Variants in NDOR1 observed in about 807,000 individuals in gnomAD.
NDOR1 encodes the protein NADPH-dependent diflavin oxidoreductase 1.
A neutral mutation model predicts 67.2 loss-of-function variants in NDOR1; 61 were observed. The ratio of observed to expected loss-of-function variants is 0.91; its 90% CI spans 0.74 to 1.12. NDOR1 has a LOEUF of 1.12. Among genes scored for constraint, NDOR1 ranks in the 50% most tolerant of loss-of-function variants. The pLI, the probability that NDOR1 is intolerant of heterozygous loss-of-function variation, is 0.00. For missense variants in NDOR1, 878 were observed against 802.8 expected (o/e 1.09, Z -1.13); for synonymous variants, 378 against 343.7 (o/e 1.10, Z -1.10).
At chr9:137,216,073 G>T in intron 12 of NDOR1, 21 bp from the exon 13 acceptor site, 1 of 1,613,436 alleles carries the variant, frequency 6.2e-7, no homozygotes, top group Admixed American at 1.7e-5. Flanking sequence ...TCAGCCCCCA[G>T]CCCTGTTCTC....
intron 9 of NDOR1, 82 bp downstream of exon 9, chr9:137,215,284 G>A (rs1404504802): frequency 1.8e-5 from 28 of 1,543,944 alleles, no homozygotes; most frequent in Non-Finnish European, 2.2e-5. Context: ...AGCAGGGGCT[G>A]CCCTCTGACC....
rs756056918 is a variant in NDOR1, at chr9:137,214,656, C to G, written c.809C>G (p.Pro270Arg). ...TTCTGCCAGGTGCTGGGCCTGGACC[C>G]TGACCAGCTCTTCATGCTGCAGCCG... ...QRFCQVLGLD[P>R]DQLFMLQPRE... Residue 270 changes from proline to arginine, a missense_variant, in exon 7 of 14, where the codon CCT (proline) becomes CGT (arginine). Physicochemically the swap from Pro to Arg is moderately radical, Grantham distance 103 (BLOSUM62 -2). Transcript: ENST00000684003. The G allele has an allele frequency of 4.4e-6, 7 of 1,607,124 alleles. No individual in the cohort carries two copies. In the South Asian group the frequency reaches 6.6e-5, roughly 15 times the overall value.
At chr9:137,213,145 AAAAG>A (rs200244296) in intron 3 of NDOR1, among the ~76,000 whole-genome samples, 9,086 of 152,286 alleles carry the variant, frequency 0.06, 369 homozygotes, top group African/African-American at 0.11. Flanking sequence ...TTTCAGATGA[AAAAG>A]AACGGGAAGA....
At position 137,214,308 on chromosome 9, in the gene NDOR1, C is replaced by G. The variant is rs375191251; in HGVS notation, c.617C>G (p.Ser206Trp). Reference sequence around the variant, plus strand: ...GGCTCTCAGGAGCCCCCGTCAGAGTCGAAGCCCTTCCTAGCACCCATGATC... The same window carrying G: ...GGCTCTCAGGAGCCCCCGTCAGAGTGGAAGCCCTTCCTAGCACCCATGATC... Reference protein sequence around the residue: ...HPGSQEPPSESKPFLAPMISN... With the variant: ...HPGSQEPPSEWKPFLAPMISN... The change falls in exon 6 of 14, where the codon TCG becomes TGG. Residue 206 changes from serine to tryptophan, a missense_variant. Transcript: ENST00000684003. 8 of 1,613,924 alleles carry G rather than the reference C, an allele frequency of 5.0e-6. No individual in the cohort carries two copies. The highest frequency in any genetic ancestry group is 4.0e-5 in the African/African-American group (3 of 74,924).
Position 137,216,178 on chromosome 9 carries a change from TA to T in NDOR1, c.1640del (p.Tyr547SerfsTer17). The T allele has an allele frequency of 6.2e-7, 1 of 1,613,494 alleles. No individual in the cohort carries two copies. The highest frequency in any genetic ancestry group is 8.5e-7 in the Non-Finnish European group (1 of 1,180,012). On this transcript the variant is annotated frameshift_variant, in exon 13 of 14. Coordinates refer to ENST00000684003, the MANE Select transcript of NDOR1 (RefSeq NM_014434.4). LOFTEE classifies it high-confidence loss of function. ...ELLDRQGAYF[Y>X]LAGNAKSMPA... ...GCTGGACCGCCAGGGTGCATACTTC[TA>T]CCTGGCAGGGTGAGCTGGCCTGCGT...
intron 2 of NDOR1, among the ~76,000 whole-genome samples, chr9:137,207,926 C>T (rs1835049089): frequency 1.3e-5 from 2 of 152,072 alleles, no homozygotes; most frequent in Non-Finnish European, 2.9e-5. Flanking sequence ...GGGCGAATCA[C>T]GAGGTCAGGA....
rs966274256 is a variant in NDOR1 at position 137,216,528 on chromosome 9, G to C, written c.*112G>C. ...GTCATCCTCTCGGACCAGCCAGCTG[G>C]TCCTCTGGGAACAGCCAGCTCCCGA... On this transcript the variant is annotated 3_prime_UTR_variant, in exon 14 of 14. Coordinates refer to ENST00000684003, the MANE Select transcript of NDOR1 (RefSeq NM_014434.4). 1.4e-6 allele frequency: 2 copies of C among 1,385,004 alleles called. No individual in the cohort carries two copies. Among genetic ancestry groups the C allele is most frequent in the African/African-American group, 2.9e-5 (2 of 69,072 alleles). The allele number at this position is 1,385,004 out of a possible 1,614,324, so 85.8% of individuals were successfully genotyped here.
chr9:137,215,549 G>T (rs766329079), intron 10 of NDOR1, 28 bp downstream of exon 10: 2 of 1,610,502 alleles, frequency 1.2e-6, no homozygotes, highest in Non-Finnish European at 1.7e-6. Flanking sequence ...GGTGGGGGCC[G>T]TGGGCCCATA....
chr9:137,215,899 G>A lies in NDOR1; in HGVS notation c.1436G>A (p.Gly479Glu), dbSNP rs759697399. ...IQERVAQGQT[G>E]NFLFFGCRWR... ...CCAAGAGCACCCTGTATTTCCCTAG[G>A]AAACTTCTTGTTTTTTGGCTGCCGC... The change falls in exon 12 of 14, where the codon GGA becomes GAA. Residue 479 changes from glycine (G) to glutamate (E), a missense_variant and splice_region_variant. Gly to Glu is a moderately conservative substitution (Grantham distance 98). Transcript: ENST00000684003. 56 of 1,613,486 alleles carry A rather than the reference G, an allele frequency of 3.5e-5. No individual in the cohort carries two copies. Among genetic ancestry groups the A allele is most frequent in the Middle Eastern group, 1.6e-4 (1 of 6,062 alleles).
Position 137,218,252 on chromosome 9 carries a change from A to G in NDOR1, c.*1836A>G. On this transcript the variant is annotated 3_prime_UTR_variant, in exon 14 of 14. Transcript: ENST00000684003. ...GAAGACGCCCGTGCTGGAATGGGAG[A>G]TCTGCCGGCTACAGGAGGAGCTGCT... The G allele has an allele frequency of 2.5e-6, 1 of 398,116 alleles. No homozygotes were observed. The highest frequency in any genetic ancestry group is 1.3e-4 in the South Asian group (1 of 7,866). The allele number at this position is 398,116 out of a possible 1,614,324, so 24.7% of individuals were successfully genotyped here. A position where few individuals can be genotyped will look rare whatever the true frequency, so the allele number is the denominator to read the frequency against.
Position 137,212,457 on chromosome 9 carries a change from G to T in NDOR1, c.214-45G>T. On this transcript the variant is annotated intron_variant, in intron 2 of 13. Transcript: ENST00000684003. This position sits in a 1 kb window ranked among gnomAD's most constrained non-coding sequence, Gnocchi z 4.3. ...CCCCTCACCCCCTGCTGTGGGGCTA[G>T]CCTAGAGGTCGAGGACTCTGACTCA... The T allele has an allele frequency of 6.4e-7, 1 of 1,561,520 alleles. No individual in the cohort carries two copies. Among genetic ancestry groups the T allele is most frequent in the Non-Finnish European group, 8.8e-7 (1 of 1,132,326 alleles).
chr9:137,207,201 A>G (rs1835009559), intron 2 of NDOR1, among the ~76,000 whole-genome samples: 2 of 152,134 alleles, frequency 1.3e-5, no homozygotes, highest in Admixed American at 1.3e-4. Context: ...TGAGATGCAC[A>G]GGACAGGCAG....
chr9:137,218,294 T>C lies in NDOR1; in HGVS notation c.*1878T>C, dbSNP rs1835727846. Reference sequence around the variant, plus strand: ...GGAGCTGCTACAGGCCGACGGGCCCTCACGCCAGCCCCGCCGAGAGGCCCC... The same window carrying C: ...GGAGCTGCTACAGGCCGACGGGCCCCCACGCCAGCCCCGCCGAGAGGCCCC... On this transcript the variant is annotated 3_prime_UTR_variant, in exon 14 of 14. Transcript: ENST00000684003. 7.5e-6 allele frequency: 3 copies of C among 398,238 alleles called. No homozygotes were observed. Among genetic ancestry groups the C allele is most frequent in the Non-Finnish European group, 1.3e-5 (3 of 225,808 alleles). 24.7% of individuals were successfully genotyped at this position (398,238 alleles called of 1,614,324 possible).
rs368630930 is a variant in NDOR1, at chr9:137,216,276, G to C, written c.1654G>C (p.Ala552Pro). 11 of 1,612,898 alleles carry C rather than the reference G, an allele frequency of 6.8e-6. No individual in the cohort carries two copies. The highest frequency in any genetic ancestry group is 8.5e-6 in the Non-Finnish European group (10 of 1,179,994). The change falls in exon 14 of 14, where the codon GCC (alanine) becomes CCC (proline). Residue 552 changes from alanine to proline, a missense_variant. Transcript: ENST00000684003. ...TTCTGCGACCTGCCCCTCTAGCAAC[G>C]CCAAGTCCATGCCAGCGGACGTCTC... ...QGAYFYLAGN[A>P]KSMPADVSEA...
intron 3 of NDOR1, 145 bp from the exon 4 acceptor site, chr9:137,213,635 C>A: frequency 2.5e-6 from 2 of 802,736 alleles, no homozygotes; most frequent in Non-Finnish European, 4.0e-6. Flanking sequence ...TAGGGTGCGG[C>A]CAGCGTGGAG....
At chr9:137,216,042 A>G (rs773194983) in intron 12 of NDOR1, 25 bp downstream of exon 12, 1 of 1,613,458 alleles carries the variant, frequency 6.2e-7, no homozygotes, top group East Asian at 2.2e-5. Context: ...GGGCTGGGAA[A>G]GGAGGGGAGG....
chr9:137,218,366 C>G lies in NDOR1; in HGVS notation c.*1950C>G, dbSNP rs531073275. 1.6e-4 allele frequency: 65 copies of G among 398,292 alleles called. No homozygotes were observed. The highest frequency in any genetic ancestry group is 2.7e-4 in the Non-Finnish European group (61 of 225,960). The allele number at this position is 398,292 out of a possible 1,614,324, so 24.7% of individuals were successfully genotyped here. On this transcript the variant is annotated 3_prime_UTR_variant, in exon 14 of 14. Coordinates refer to ENST00000684003, the MANE Select transcript of NDOR1 (RefSeq NM_014434.4). ...TGGGCCCTGGGGCTCCCTGGAGCAC[C>G]GCTACCAGCTGCGCTTCCTGGCAGG...
intron 2 of NDOR1, among the ~76,000 whole-genome samples, chr9:137,209,365 T>C (rs1475907878): frequency 4.0e-5 from 6 of 151,066 alleles, no homozygotes; most frequent in Admixed American, 6.6e-5. Flanking sequence ...AGGGGAATGG[T>C]GGGATAGGGA....
chr9:137,213,667 G>T (rs1056607563), intron 3 of NDOR1, 113 bp from the exon 4 acceptor site: 104 of 1,070,462 alleles, frequency 9.7e-5, no homozygotes, highest in Non-Finnish European at 3.3e-5. Context: ...CCCGAGGGAG[G>T]CCCTCCCCAG....
Sources: gnomAD v4.1 joint callset for allele counts (sites outside exome capture counted in the v4.1 genomes callset) on GRCh38, gnomAD v4.1.1 for gene constraint, Gnocchi (gnomAD v3.1) non-coding constraint, MANE v1.5 for transcripts, NCBI Gene and HGNC (gene_info 2026-07-23, HGNC 2026-07-21) for gene names.